The following SPICE1 variants were observed in gnomAD, a reference collection of about 807,000 sequenced individuals.
SPICE1 encodes spindle and centriole associated protein 1.
SPICE1 carries 75 observed loss-of-function variants against 102.7 expected under a neutral mutation model. That is an observed-to-expected ratio of 0.73 (90% CI 0.61 to 0.88). The LOEUF (loss-of-function observed/expected upper bound fraction) is 0.88, where lower values mean the gene tolerates loss of function less well. Ranked by LOEUF, SPICE1 falls within the 40% of genes least tolerant of loss-of-function variation. The probability of loss-of-function intolerance (pLI) is 0.00; values close to 1 mark genes in which losing one functional copy is unlikely to be tolerated. For synonymous variants in SPICE1, 308 were observed against 350.3 expected (o/e 0.88, Z 1.35); for missense variants, 979 against 1,020.1 (o/e 0.96, Z 0.55).
chr3:113,448,095 G>A lies in SPICE1; in HGVS notation c.2369C>T (p.Ala790Val). ...TIEVSIPGAE[A>V]PESSKCSTVS... ...AGTACTACATTTTGAGCTTTCTGGGGCTTCTGCTCCTGGAATAGATACCTC... is the reference window on the plus strand; with the variant it reads ...AGTACTACATTTTGAGCTTTCTGGGACTTCTGCTCCTGGAATAGATACCTC... The change falls in exon 16 of 18, where the codon GCC becomes GTC. Residue 790 changes from alanine to valine, a missense_variant. Transcript: ENST00000295872. 6.2e-7 allele frequency: 1 copy of A among 1,611,258 alleles called. No homozygotes were observed. Among genetic ancestry groups the A allele is most frequent in the Non-Finnish European group, 8.5e-7 (1 of 1,178,600 alleles).
intron 1 of SPICE1, among the ~76,000 whole-genome samples, chr3:113,508,651 T>C (rs1050365466): frequency 5.3e-5 from 8 of 152,150 alleles, no homozygotes; most frequent in African/African-American, 1.9e-4. Flanking sequence ...TCCTCACATA[T>C]TGCTCATGGA....
intron 7 of SPICE1, among the ~76,000 whole-genome samples, chr3:113,483,550 T>C (rs1207517266): frequency 3.3e-5 from 5 of 152,226 alleles, no homozygotes; most frequent in African/African-American, 1.2e-4. Flanking sequence ...TGAGATATGT[T>C]CCACCGATAC....
chr3:113,483,286 C>G (rs1936556728), intron 7 of SPICE1, among the ~76,000 whole-genome samples: 1 of 152,180 alleles, frequency 6.6e-6, no homozygotes, highest in Admixed American at 6.5e-5. Context: ...AGTTGCTTAT[C>G]AGCTTAAGGA....
chr3:113,456,349 C>T (rs1223857335), intron 13 of SPICE1, among the ~76,000 whole-genome samples: 2 of 151,400 alleles, frequency 1.3e-5, no homozygotes, highest in African/African-American at 4.8e-5. Context: ...AAAATTCAGG[C>T]TAATCAGACC....
rs1935563483 is a variant in SPICE1, at chr3:113,448,213, C to G, written c.2324-73G>C. On this transcript the variant is annotated intron_variant, in intron 15 of 17. Transcript: ENST00000295872. ...AAAATTTCACTCAATTTCTATCTTA[C>G]TGCAAACTGCACATTAAAAATTTGG... is the stretch of plus-strand genomic sequence containing the variant. 3.9e-6 allele frequency: 5 copies of G among 1,290,998 alleles called. No individual in the cohort carries two copies. In the Admixed American group the frequency reaches 8.9e-5, roughly 23 times the overall value. 80.0% of individuals were successfully genotyped at this position (1,290,998 alleles called of 1,614,324 possible).
At position 113,499,397 on chromosome 3, in the gene SPICE1, T is replaced by A. The variant is rs556722900; in HGVS notation, c.291+42A>T. ...GAAGAAAAACAAAGAACCCTATTTATCTCCTTTTTTTCTTTCTAACTCTAA... is the reference window on the plus strand; with the variant it reads ...GAAGAAAAACAAAGAACCCTATTTAACTCCTTTTTTTCTTTCTAACTCTAA... On this transcript the variant is annotated intron_variant, in intron 4 of 17. Coordinates refer to ENST00000295872, the MANE Select transcript of SPICE1 (RefSeq NM_144718.4). 3.4e-4 allele frequency: 533 copies of A among 1,582,404 alleles called. 2 individuals carry two copies. In the South Asian group the frequency reaches 5.7e-3, roughly 17 times the overall value.
intron 7 of SPICE1, among the ~76,000 whole-genome samples, chr3:113,481,918 G>A (rs1306776049): frequency 6.6e-6 from 1 of 152,012 alleles, no homozygotes; most frequent in Admixed American, 6.6e-5. Flanking sequence ...TAATCCTTTG[G>A]GTATATACCC....
intron 7 of SPICE1, among the ~76,000 whole-genome samples, chr3:113,481,859 T>C (rs1173681993): frequency 6.6e-6 from 1 of 152,218 alleles, no homozygotes; most frequent in East Asian, 1.9e-4. Context: ...TTATTGTGAA[T>C]AGTGATGCAA....
chr3:113,494,222 G>C, intron 4 of SPICE1, 80 bp from the exon 5 acceptor site: 1 of 948,746 alleles, frequency 1.1e-6, no homozygotes, highest in Non-Finnish European at 1.6e-6. Flanking sequence ...CCATAAAAAG[G>C]CCTGGAGCAT....
chr3:113,503,599 C>T (rs1937050795), intron 2 of SPICE1, among the ~76,000 whole-genome samples: 1 of 151,842 alleles, frequency 6.6e-6, no homozygotes, highest in African/African-American at 2.4e-5. Context: ...CTATGGAATC[C>T]CAGGATTCCA....
chr3:113,474,562 A>G (rs1936291386), intron 7 of SPICE1, among the ~76,000 whole-genome samples: 1 of 152,206 alleles, frequency 6.6e-6, no homozygotes, highest in South Asian at 2.1e-4. Context: ...AGCAAATGTA[A>G]AAGAACAGAA....
At chr3:113,445,903 T>A (rs1338587984) in intron 17 of SPICE1, among the ~76,000 whole-genome samples, 1 of 152,170 alleles carries the variant, frequency 6.6e-6, no homozygotes, top group African/African-American at 2.4e-5. Context: ...ATTTTCCCAA[T>A]GTCAGACACT....
chr3:113,450,404 T>C lies in SPICE1; in HGVS notation c.2255A>G (p.Gln752Arg). ...AGAAAGATTCAAACCAACAAGTTTC[T>C]GCTGCTCTATCAACTGCAGTAGTTT... is the stretch of plus-strand genomic sequence containing the variant. ...RGKLLQLIEQ[Q>R]KLVGLNLSPP... is the part of the protein sequence containing the mutation. Residue 752 changes from glutamine to arginine, a missense_variant, in exon 15 of 18, where the codon CAG becomes CGG. Transcript: ENST00000295872. 6.2e-7 allele frequency: 1 copy of C among 1,614,178 alleles called. No individual in the cohort carries two copies. Among genetic ancestry groups the C allele is most frequent in the African/African-American group, 1.3e-5 (1 of 75,038 alleles).
chr3:113,469,320 CATTTA>C (rs2107464957), intron 7 of SPICE1, 82 bp from the exon 8 acceptor site: 1 of 448,722 alleles, frequency 2.2e-6, no homozygotes, highest in East Asian at 9.3e-5. Flanking sequence ...TGATAGCAGG[CATTTA>C]ATTTATATTT....
At chr3:113,494,481 A>C (rs1050456547) in intron 4 of SPICE1, among the ~76,000 whole-genome samples, 11 of 151,726 alleles carry the variant, frequency 7.2e-5, no homozygotes, top group African/African-American at 2.7e-4. Context: ...CCCCGTCTCT[A>C]CTAAAAATAC....
At chr3:113,479,734 G>C (rs943209779) in intron 7 of SPICE1, among the ~76,000 whole-genome samples, 2 of 152,130 alleles carry the variant, frequency 1.3e-5, no homozygotes, top group African/African-American at 4.8e-5. Flanking sequence ...ATACCAGAAT[G>C]TATGGTACAC....
Position 113,503,930 on chromosome 3 carries a change from CT to C in SPICE1, c.100-704del, listed in dbSNP as rs1407189021. Among the ~76,000 whole-genome samples, 585 of 73,380 alleles carry C rather than the reference CT, an allele frequency of 8.0e-3. 1 individual carries two copies. The highest frequency in any genetic ancestry group is 0.012 in the Non-Finnish European group (488 of 41,168). The allele number at this position is 73,380 out of a possible 152,430, so 48.1% of individuals were successfully genotyped here. A position where few individuals can be genotyped will look rare whatever the true frequency, so the allele number is the denominator to read the frequency against. ...CCTCAGCAACAAAGCGAGTTTCTAT[CT>C]AAAAAAAAAAAAAAAAAAAAAAGAA... On this transcript the variant is annotated intron_variant, in intron 2 of 17. Transcript: ENST00000295872.
intron 17 of SPICE1, 124 bp from the exon 18 acceptor site, chr3:113,445,484 GAAATT>G: frequency 1.4e-6 from 1 of 691,616 alleles, no homozygotes; most frequent in South Asian, 2.0e-5. Flanking sequence ...AATGGTACTG[GAAATT>G]AAATTGTTAT....
intron 7 of SPICE1, among the ~76,000 whole-genome samples, chr3:113,470,204 G>A (rs564220027): frequency 6.6e-6 from 1 of 152,278 alleles, no homozygotes; most frequent in South Asian, 2.1e-4. Flanking sequence ...ATAAATGGTG[G>A]GAAAAACTTT....
Sources: allele counts gnomAD v4.1 joint callset (sites outside exome capture counted in the v4.1 genomes callset), GRCh38; gene constraint gnomAD v4.1.1; transcripts MANE v1.5; gene names NCBI Gene and HGNC (gene_info 2026-07-23, HGNC 2026-07-21).